PTPRK: variants seen among roughly 807,000 people sequenced by gnomAD.
The protein encoded by PTPRK is receptor-type tyrosine-protein phosphatase kappa.
A neutral mutation model predicts 178.0 loss-of-function variants in PTPRK; 75 were observed. That is an observed-to-expected ratio of 0.42 (90% CI 0.35 to 0.51). The LOEUF (loss-of-function observed/expected upper bound fraction) is 0.51. Ranked by LOEUF, PTPRK falls within the 20% of genes least tolerant of loss-of-function variation. PTPRK has a pLI of 0.02. For missense variants in PTPRK, 1,441 were observed against 1,797.8 expected (o/e 0.80, Z 3.59); for synonymous variants, 637 against 620.6 (o/e 1.03, Z -0.39).
intron 3 of PTPRK, among the ~76,000 whole-genome samples, chr6:128,259,962 C>T (rs1359093156): frequency 1.3e-5 from 2 of 152,030 alleles, no homozygotes; most frequent in Non-Finnish European, 2.9e-5. Flanking sequence ...TAGGAAAGGC[C>T]TTAAACTATA....
chr6:127,993,239 T>C (rs986117796), intron 18 of PTPRK, among the ~76,000 whole-genome samples: 1 of 151,796 alleles, frequency 6.6e-6, no homozygotes, highest in African/African-American at 2.4e-5. Context: ...TTCAGGGATA[T>C]GCAAAAACTA....
intron 2 of PTPRK, among the ~76,000 whole-genome samples, chr6:128,348,382 G>T (rs1187447428): frequency 6.6e-6 from 1 of 151,776 alleles, no homozygotes; most frequent in Admixed American, 6.6e-5. Flanking sequence ...CAATAAAAAA[G>T]TGTCTTTCAC....
chr6:128,105,170 G>C (rs1297444488), intron 7 of PTPRK, among the ~76,000 whole-genome samples: 5 of 137,140 alleles, frequency 3.6e-5, no homozygotes, highest in African/African-American at 1.4e-4. Flanking sequence ...GTCTTGCTCT[G>C]TCGCCCAGGC....
chr6:128,298,095 A>C (rs550235357), intron 3 of PTPRK, among the ~76,000 whole-genome samples: 1 of 152,346 alleles, frequency 6.6e-6, no homozygotes, highest in South Asian at 2.1e-4. Flanking sequence ...AGAGAATACT[A>C]CAAACACCTC....
At chr6:128,438,366 G>C (rs1845875524) in intron 1 of PTPRK, among the ~76,000 whole-genome samples, 1 of 152,188 alleles carries the variant, frequency 6.6e-6, no homozygotes, top group South Asian at 2.1e-4. Flanking sequence ...TAATTCTACT[G>C]TAAGTTTCTT....
intron 1 of PTPRK, among the ~76,000 whole-genome samples, chr6:128,457,128 A>C (rs951113864): frequency 5.3e-4 from 81 of 152,208 alleles, no homozygotes; most frequent in African/African-American, 1.9e-3. Context: ...ATCTGCAAAT[A>C]TCTCTCTAAT....
intron 11 of PTPRK, among the ~76,000 whole-genome samples, chr6:128,078,438 A>G (rs1784221588): frequency 6.6e-6 from 1 of 151,970 alleles, no homozygotes; most frequent in Admixed American, 6.6e-5. Context: ...CTTACAGTAA[A>G]AGAAAAACTA....
chr6:128,065,422 T>G (rs888564224), intron 12 of PTPRK, among the ~76,000 whole-genome samples: 1 of 152,080 alleles, frequency 6.6e-6, no homozygotes, highest in Non-Finnish European at 1.5e-5. Context: ...AGAAAAAATA[T>G]GATTATTTTT....
intron 11 of PTPRK, 36 bp downstream of exon 11, chr6:128,078,777 G>A (rs1328944416): frequency 6.8e-7 from 1 of 1,476,278 alleles, no homozygotes; most frequent in Non-Finnish European, 9.5e-7. Flanking sequence ...ACATACCTGT[G>A]GATAAGGCAG....
intron 1 of PTPRK, among the ~76,000 whole-genome samples, chr6:128,470,384 T>C (rs1231519162): frequency 6.7e-6 from 1 of 148,528 alleles, no homozygotes; most frequent in Non-Finnish European, 1.5e-5. Flanking sequence ...TATGAAATCG[T>C]TTTCTTAACC....
intron 6 of PTPRK, among the ~76,000 whole-genome samples, chr6:128,217,848 G>C (rs537638262): frequency 1.3e-5 from 2 of 152,162 alleles, no homozygotes; most frequent in African/African-American, 4.8e-5. Context: ...TACAGTCTCA[G>C]CCCCAGTTTA....
intron 3 of PTPRK, among the ~76,000 whole-genome samples, chr6:128,292,807 A>C (rs912725187): frequency 3.9e-5 from 6 of 152,144 alleles, no homozygotes; most frequent in Non-Finnish European, 7.4e-5. Flanking sequence ...AATTACTTAT[A>C]ATTATTTTCA....
Position 128,331,612 on chromosome 6 carries a change from C to A in PTPRK, c.224-9302G>T, listed in dbSNP as rs566476417. ...CTTTTTGTACAGTCTAGTTTTAATTCTTCGAGCTTTTACATTCTATTACTT... is the reference window on the plus strand; with the variant it reads ...CTTTTTGTACAGTCTAGTTTTAATTATTCGAGCTTTTACATTCTATTACTT... On this transcript the variant is annotated intron_variant, in intron 2 of 29. Coordinates refer to ENST00000368226, the MANE Select transcript of PTPRK (RefSeq NM_002844.4). 3.3e-5 allele frequency among the ~76,000 whole-genome samples: 5 copies of A among 152,224 alleles called. No homozygotes were observed. In the South Asian group the frequency reaches 1.0e-3, roughly 32 times the overall value.
chr6:128,418,584 C>T (rs1331875601), intron 1 of PTPRK, among the ~76,000 whole-genome samples: 7 of 152,138 alleles, frequency 4.6e-5, no homozygotes, highest in Non-Finnish European at 1.0e-4. Context: ...CCATACCAGC[C>T]CCCCAATCCC....
intron 11 of PTPRK, among the ~76,000 whole-genome samples, chr6:128,074,598 T>C (rs1019257940): frequency 1.3e-5 from 2 of 152,064 alleles, no homozygotes; most frequent in African/African-American, 4.8e-5. Flanking sequence ...TAAGGATAGA[T>C]CTCAAAAAGT....
At position 128,010,152 on chromosome 6, in the gene PTPRK, G is replaced by C. The variant is rs143491030; in HGVS notation, c.2195-884C>G. On this transcript the variant is annotated intron_variant, in intron 13 of 29. Transcript: ENST00000368226. ...CAAAGATAAGGATAGTTTATAAATT[G>C]CTCAAGAGCAAAGAAAAAATCTACT... Among the ~76,000 whole-genome samples, 39 of 151,348 alleles carry C rather than the reference G, an allele frequency of 2.6e-4. No individual in the cohort carries two copies. In the East Asian group the frequency reaches 7.2e-3, roughly 28 times the overall value.
intron 2 of PTPRK, among the ~76,000 whole-genome samples, chr6:128,384,006 T>A (rs1456327581): frequency 6.6e-6 from 1 of 152,244 alleles, no homozygotes; most frequent in Non-Finnish European, 1.5e-5. Flanking sequence ...TTTATACAGC[T>A]ATTATTGAAT....
Position 127,977,547 on chromosome 6 carries a change from T to G in PTPRK, c.3712-493A>C, listed in dbSNP as rs975694894. On this transcript the variant is annotated intron_variant, in intron 25 of 29. Coordinates refer to ENST00000368226, the MANE Select transcript of PTPRK (RefSeq NM_002844.4). ...TTGTTTTACTCTTCTCCACTCCAAA[T>G]AAGAAAAACCACAAGTAGCTCAAAC... 5.3e-5 allele frequency among the ~76,000 whole-genome samples: 8 copies of G among 152,152 alleles called. No individual in the cohort carries two copies. In the South Asian group the frequency reaches 6.2e-4, roughly 12 times the overall value.
At chr6:128,376,019 C>T (rs1287706601) in intron 2 of PTPRK, among the ~76,000 whole-genome samples, 2 of 152,154 alleles carry the variant, frequency 1.3e-5, no homozygotes, top group African/African-American at 4.8e-5. Context: ...TGTCTGCTTT[C>T]ATGGGTTGGC....
Sources: gnomAD v4.1 joint callset for allele counts (sites outside exome capture counted in the v4.1 genomes callset) on GRCh38, gnomAD v4.1.1 for gene constraint, MANE v1.5 for transcripts, NCBI Gene and HGNC (gene_info 2026-07-23, HGNC 2026-07-21) for gene names.